PPP1R3C: variants seen among roughly 807,000 people sequenced by gnomAD.
The protein encoded by PPP1R3C is protein phosphatase 1 regulatory subunit 3C.
In PPP1R3C, 20 loss-of-function variants were observed where a neutral mutation model predicts 29.3. The observed-to-expected ratio is 0.68, with a 90% CI of 0.48 to 0.99. PPP1R3C has a LOEUF of 0.99. PPP1R3C is among the 50% of genes least tolerant of loss of function. The probability of loss-of-function intolerance (pLI) is 0.00; values close to 1 mark genes in which losing one functional copy is unlikely to be tolerated. For missense variants in PPP1R3C, 321 were observed against 386.0 expected (o/e 0.83, Z 1.41); for synonymous variants, 123 against 143.1 (o/e 0.86, Z 1.00).
chr10:91,632,293 G>A (rs1848724984), intron 1 of PPP1R3C, among the ~76,000 whole-genome samples: 1 of 152,054 alleles, frequency 6.6e-6, no homozygotes, highest in Admixed American at 6.5e-5. Context: ...TATATTTGTG[G>A]GTCTAATAAT....
intron 1 of PPP1R3C, among the ~76,000 whole-genome samples, chr10:91,631,164 T>C (rs1848714507): frequency 6.6e-6 from 1 of 152,238 alleles, no homozygotes; most frequent in East Asian, 1.9e-4. Context: ...CAAGGCAGCC[T>C]TGAGAACTGT....
chr10:91,630,587 G>T lies in PPP1R3C; in HGVS notation c.294C>A (p.Ile98=), dbSNP rs902415933. ...CTTCTGGGAGGTCGGAGAAGACATG[G>T]ATCGCAGTGAGAGAGAGGCCCTTGG... is the stretch of plus-strand genomic sequence containing the variant. ...ADSKGLSLTA[I]HVFSDLPEEP... Residue 98 remains isoleucine (I), a synonymous_variant, in exon 2 of 2, where the codon ATC becomes ATA. Coordinates refer to ENST00000238994, the MANE Select transcript of PPP1R3C (RefSeq NM_005398.7). The surrounding 1 kb of genome is among the most constrained non-coding windows in gnomAD (Gnocchi z 4.4). The T allele has an allele frequency of 6.2e-7, 1 of 1,613,562 alleles. No homozygotes were observed. The highest frequency in any genetic ancestry group is 8.5e-7 in the Non-Finnish European group (1 of 1,179,656).
rs1343317492 is a variant in PPP1R3C, at chr10:91,630,249, G to C, written c.632C>G (p.Thr211Arg). The C allele has an allele frequency of 6.2e-7, 1 of 1,614,176 alleles. No individual in the cohort carries two copies. Among genetic ancestry groups the C allele is most frequent in the Admixed American group, 1.7e-5 (1 of 60,022 alleles). ...CVYMKNVYGG[T>R]DSDTFSFAID... ...GGCAAATGAGAAGGTATCACTATCT[G>C]TGCCACCATACACATTTTTCATATA... The change falls in exon 2 of 2, where the codon ACA becomes AGA. Residue 211 changes from threonine (T) to arginine (R), a missense_variant. Thr to Arg is a moderately conservative substitution (Grantham distance 71). Coordinates refer to ENST00000238994, the MANE Select transcript of PPP1R3C (RefSeq NM_005398.7). This position sits in a 1 kb window ranked among gnomAD's most constrained non-coding sequence, Gnocchi z 4.4.
At chr10:91,631,701 A>G (rs1394462870) in intron 1 of PPP1R3C, among the ~76,000 whole-genome samples, 3 of 152,218 alleles carry the variant, frequency 2.0e-5, no homozygotes, top group Non-Finnish European at 4.4e-5. Context: ...TCACCTAAAG[A>G]GATGCCCATG....
rs1848687774 is a variant in PPP1R3C, at chr10:91,629,287, T to C, written c.*640A>G. ...TCCCCAAATTATGATTTTTTATAGATCACATCTGAACAGAAAGGCTTCACT... is the reference window on the plus strand; with the variant it reads ...TCCCCAAATTATGATTTTTTATAGACCACATCTGAACAGAAAGGCTTCACT... On this transcript the variant is annotated 3_prime_UTR_variant, in exon 2 of 2. Coordinates refer to ENST00000238994, the MANE Select transcript of PPP1R3C (RefSeq NM_005398.7). 1.3e-5 allele frequency: 2 copies of C among 152,788 alleles called. No individual in the cohort carries two copies. Among genetic ancestry groups the C allele is most frequent in the Admixed American group, 1.3e-4 (2 of 15,354 alleles). 9.5% of individuals were successfully genotyped at this position (152,788 alleles called of 1,614,324 possible).
At chr10:91,631,741 T>A (rs1467958258) in intron 1 of PPP1R3C, among the ~76,000 whole-genome samples, 1 of 152,214 alleles carries the variant, frequency 6.6e-6, no homozygotes. Context: ...GAAAAACTGA[T>A]TACCTGAAAG....
rs146036038 is a variant in PPP1R3C, at chr10:91,631,822, A to G, written c.15-956T>C. Among the ~76,000 whole-genome samples, 1,178 of 152,256 alleles carry G rather than the reference A, an allele frequency of 7.7e-3. 6 individuals are homozygous for G. Among genetic ancestry groups the G allele is most frequent in the Middle Eastern group, 0.01 (3 of 294 alleles). On this transcript the variant is annotated intron_variant, in intron 1 of 1. Transcript: ENST00000238994. ...TATTGAAAAACTCTATAGGAAATACACCTTTCCTAATAATTTAATAATTAT... is the reference window on the plus strand; with the variant it reads ...TATTGAAAAACTCTATAGGAAATACGCCTTTCCTAATAATTTAATAATTAT...
intron 1 of PPP1R3C, among the ~76,000 whole-genome samples, chr10:91,631,617 C>T (rs1292428618): frequency 1.3e-5 from 2 of 152,060 alleles, no homozygotes; most frequent in East Asian, 3.9e-4. Context: ...TTATCATGCT[C>T]TTATTTTTCA....
At position 91,629,796 on chromosome 10, in the gene PPP1R3C, T is replaced by C; in HGVS notation, c.*131A>G. The C allele has an allele frequency of 1.0e-6, 1 of 961,198 alleles. No individual in the cohort carries two copies. 59.5% of individuals were successfully genotyped at this position (961,198 alleles called of 1,614,324 possible). A position where few individuals can be genotyped will look rare whatever the true frequency, so the allele number is the denominator to read the frequency against. On this transcript the variant is annotated 3_prime_UTR_variant, in exon 2 of 2. Transcript: ENST00000238994. Reference sequence around the variant, plus strand: ...AATTCTCAAGTGTCTTTCTTTTCCATAGCCAGGTCTCAAAAGCTCAAATCT... The same window carrying C: ...AATTCTCAAGTGTCTTTCTTTTCCACAGCCAGGTCTCAAAAGCTCAAATCT...
chr10:91,632,901 C>T (rs1397313456), intron 1 of PPP1R3C, 55 bp downstream of exon 1: 2 of 1,588,402 alleles, frequency 1.3e-6, no homozygotes, highest in African/African-American at 2.7e-5. Context: ...CCCCAACTTC[C>T]CCACAGCTGC....
At chr10:91,631,060 G>A (rs72821257) in intron 1 of PPP1R3C, among the ~76,000 whole-genome samples, 194 bp from the exon 2 acceptor site, 7 of 152,266 alleles carry the variant, frequency 4.6e-5, no homozygotes, top group Non-Finnish European at 5.9e-5. Flanking sequence ...ACCCTTGGCC[G>A]GCTAAAGGCT....
chr10:91,632,913 C>A, intron 1 of PPP1R3C, 43 bp downstream of exon 1: 1 of 1,602,012 alleles, frequency 6.2e-7, no homozygotes, highest in Non-Finnish European at 8.5e-7. Flanking sequence ...CACAGCTGCG[C>A]GTTCCCCTGT....
Position 91,629,989 on chromosome 10 carries a change from T to G in PPP1R3C, c.892A>C (p.Ser298Arg), listed in dbSNP as rs766858533. The change falls in exon 2 of 2, where the codon AGT (serine) becomes CGT (arginine). Residue 298 changes from serine (S) to arginine (R), a missense_variant. By Grantham distance (110) the Ser-to-Arg change is moderately radical. Coordinates refer to ENST00000238994, the MANE Select transcript of PPP1R3C (RefSeq NM_005398.7). ...STIFGSPRLASGLFPEWQSWG... is the reference protein window; with the variant it reads ...STIFGSPRLARGLFPEWQSWG... The stretch of plus-strand genomic sequence containing the variant: ...CTCTGCCACTCTGGGAAGAGCCCAC[T>G]AGCCAGCCTCGGACTGCCAAAGATT... 1.9e-6 allele frequency: 3 copies of G among 1,614,228 alleles called. No individual in the cohort carries two copies. The highest frequency in any genetic ancestry group is 2.5e-6 in the Non-Finnish European group (3 of 1,180,036).
At position 91,630,236 on chromosome 10, in the gene PPP1R3C, G is replaced by A. The variant is rs1389450153; in HGVS notation, c.645C>T (p.Thr215=). 1 of 1,614,156 alleles carries A rather than the reference G, an allele frequency of 6.2e-7. No individual in the cohort carries two copies. Among genetic ancestry groups the A allele is most frequent in the Non-Finnish European group, 8.5e-7 (1 of 1,180,026 alleles). The change falls in exon 2 of 2, where the codon ACC becomes ACT. Residue 215 remains threonine, a synonymous_variant. Transcript: ENST00000238994. The surrounding 1 kb of genome is among the most constrained non-coding windows in gnomAD (Gnocchi z 4.4). ...GGGGTAAGTCAATGGCAAATGAGAA[G>A]GTATCACTATCTGTGCCACCATACA... The part of the protein sequence containing the change: ...KNVYGGTDSD[T]FSFAIDLPPV...
At chr10:91,632,768 T>C (rs1848730404) in intron 1 of PPP1R3C, among the ~76,000 whole-genome samples, 188 bp downstream of exon 1, 1 of 152,144 alleles carries the variant, frequency 6.6e-6, no homozygotes, top group Non-Finnish European at 1.5e-5. Flanking sequence ...AGGCTCTGCT[T>C]AAGAAATAGA....
rs1848692486 is a variant in PPP1R3C at position 91,629,752 on chromosome 10, T to A, written c.*175A>T. On this transcript the variant is annotated 3_prime_UTR_variant, in exon 2 of 2. Transcript: ENST00000238994. ...CAAAGCCAAATTGGGTAGCATCATCTGTACAGACCCCAACACTAAATTCTC... is the reference window on the plus strand; with the variant it reads ...CAAAGCCAAATTGGGTAGCATCATCAGTACAGACCCCAACACTAAATTCTC... 4.3e-6 allele frequency: 3 copies of A among 701,486 alleles called. No homozygotes were observed. The highest frequency in any genetic ancestry group is 3.6e-5 in the African/African-American group (2 of 56,338). The allele number at this position is 701,486 out of a possible 1,614,324, so 43.5% of individuals were successfully genotyped here. A position where few individuals can be genotyped will look rare whatever the true frequency, so the allele number is the denominator to read the frequency against.
At chr10:91,632,686 C>G (rs1249735895) in intron 1 of PPP1R3C, among the ~76,000 whole-genome samples, 1 of 152,150 alleles carries the variant, frequency 6.6e-6, no homozygotes, top group Admixed American at 6.5e-5. Flanking sequence ...ACAGCCGCAT[C>G]CATGAGAAAA....
Position 91,629,784 on chromosome 10 carries a change from C to G in PPP1R3C, c.*143G>C. ...ACCCCAACACTAAATTCTCAAGTGT[C>G]TTTCTTTTCCATAGCCAGGTCTCAA... On this transcript the variant is annotated 3_prime_UTR_variant, in exon 2 of 2. Coordinates refer to ENST00000238994, the MANE Select transcript of PPP1R3C (RefSeq NM_005398.7). 9 of 902,000 alleles carry G rather than the reference C, an allele frequency of 1.0e-5. No homozygotes were observed. The South Asian group carries it at 1.3e-4, about 13-fold the overall frequency. 55.9% of individuals were successfully genotyped at this position (902,000 alleles called of 1,614,324 possible). A position where few individuals can be genotyped will look rare whatever the true frequency, so the allele number is the denominator to read the frequency against.
Position 91,629,685 on chromosome 10 carries a change from T to A in PPP1R3C, c.*242A>T. ...AAGGAAGAAGGGAACTGAAAAAGTA[T>A]TACCTTTATAAAAATAGTTTTCAAC... On this transcript the variant is annotated 3_prime_UTR_variant, in exon 2 of 2. Coordinates refer to ENST00000238994, the MANE Select transcript of PPP1R3C (RefSeq NM_005398.7). 1 of 563,304 alleles carries A rather than the reference T, an allele frequency of 1.8e-6. No homozygotes were observed. The highest frequency in any genetic ancestry group is 2.2e-5 in the South Asian group (1 of 45,396). The allele number at this position is 563,304 out of a possible 1,614,324, so 34.9% of individuals were successfully genotyped here.
Sources: gnomAD v4.1 joint callset for allele counts (sites outside exome capture counted in the v4.1 genomes callset) on GRCh38, gnomAD v4.1.1 for gene constraint, Gnocchi (gnomAD v3.1) non-coding constraint, MANE v1.5 for transcripts, NCBI Gene and HGNC (gene_info 2026-07-23, HGNC 2026-07-21) for gene names.